The following ZEB2 variants were observed in gnomAD, a reference collection of about 807,000 sequenced individuals.
The protein encoded by ZEB2 is zinc finger E-box binding homeobox 2.
A neutral mutation model predicts 99.9 loss-of-function variants in ZEB2; 6 were observed. That is an observed-to-expected ratio of 0.06 (90% CI 0.03 to 0.12). ZEB2 has a LOEUF of 0.12. Ranked by LOEUF, ZEB2 falls within the 10% of genes least tolerant of loss-of-function variation. The pLI is 1.00. For synonymous variants in ZEB2, 517 were observed against 542.5 expected, an observed-to-expected ratio of 0.95 and a Z score of 0.65; for missense variants, 969 against 1,502.8, an observed-to-expected ratio of 0.64 and a Z score of 5.87.
chr2:144,517,620 G>A, intron 1 of ZEB2: 1 of 688,704 alleles, frequency 1.5e-6, no homozygotes, highest in Non-Finnish European at 2.6e-6. Context: ...ACTGTTTGGT[G>A]TGTTGCACCC....
chr2:144,480,469 A>T (rs1408548825), intron 2 of ZEB2, among the ~76,000 whole-genome samples: 1 of 152,196 alleles, frequency 6.6e-6, no homozygotes, highest in East Asian at 1.9e-4. Context: ...CCAAGTTAGG[A>T]AAGAACTTTT....
chr2:144,517,996 C>A, intron 1 of ZEB2: 1 of 276,582 alleles, frequency 3.6e-6, no homozygotes. Flanking sequence ...CTCTTCCTCC[C>A]CCCACCCTCG....
intron 2 of ZEB2, among the ~76,000 whole-genome samples, chr2:144,470,686 T>C (rs1264060857): frequency 6.6e-6 from 1 of 152,186 alleles, no homozygotes; most frequent in Non-Finnish European, 1.5e-5. Flanking sequence ...GGTCACTATC[T>C]AGAAGCCATA....
chr2:144,462,572 T>A (rs1413101080), intron 2 of ZEB2: 2 of 152,274 alleles, frequency 1.3e-5, no homozygotes, highest in African/African-American at 4.8e-5. Flanking sequence ...AATTATGATA[T>A]AACTCAAGTG....
intron 2 of ZEB2, among the ~76,000 whole-genome samples, chr2:144,483,745 C>T (rs72992185): frequency 3.3e-5 from 5 of 152,024 alleles, no homozygotes; most frequent in Non-Finnish European, 7.4e-5. Context: ...GAGTCAGGAG[C>T]CAAACCATCT....
chr2:144,478,195 C>T (rs930067296), intron 2 of ZEB2, among the ~76,000 whole-genome samples: 1 of 152,124 alleles, frequency 6.6e-6, no homozygotes, highest in East Asian at 1.9e-4. Flanking sequence ...TTATTCATGA[C>T]GGAGCAGTGA....
intron 2 of ZEB2, among the ~76,000 whole-genome samples, chr2:144,437,148 CT>C (rs1372836014): frequency 6.6e-6 from 1 of 152,140 alleles, no homozygotes; most frequent in Non-Finnish European, 1.5e-5. Flanking sequence ...ATTTTTTCAG[CT>C]TCACTTTCTG....
chr2:144,473,809 A>G (rs1036383335), intron 2 of ZEB2, among the ~76,000 whole-genome samples: 4 of 152,190 alleles, frequency 2.6e-5, no homozygotes, highest in African/African-American at 9.6e-5. Flanking sequence ...CCCAGGCTTT[A>G]TCTACTTTGG....
In ZEB2 at chr2:144,387,590, A is replaced by G. The variant is rs370864625; in HGVS notation, c.*1861T>C. ...TCAAAAAGTGAGATAAACTATCCCA[A>G]TCCTTTAAAAAAGGTTACATATTAT... On this transcript the variant is annotated 3_prime_UTR_variant, in exon 10 of 10. Transcript: ENST00000627532. The G allele has an allele frequency of 1.5e-3, 230 of 152,318 alleles. No homozygotes were observed. Among genetic ancestry groups the G allele is most frequent in the African/African-American group, 5.1e-3 (213 of 41,568 alleles). The allele number at this position is 152,318 out of a possible 1,614,324, so 9.4% of individuals were successfully genotyped here. A position where few individuals can be genotyped will look rare whatever the true frequency, so the allele number is the denominator to read the frequency against.
chr2:144,404,661 T>G (rs1703359601), intron 5 of ZEB2, among the ~76,000 whole-genome samples, 175 bp downstream of exon 5: 1 of 152,240 alleles, frequency 6.6e-6, no homozygotes, highest in African/African-American at 2.4e-5. Flanking sequence ...ACAAATTTGC[T>G]GACAAAAAAA....
In ZEB2 at chr2:144,459,498, G is replaced by T. The variant is rs1215617023; in HGVS notation, c.74-29472C>A. ...GGTCTGTAATGATATACTTGTAAAG[G>T]AGTGTGGGACTTGGAACACTGCCCG... On this transcript the variant is annotated intron_variant, in intron 2 of 9. Transcript: ENST00000627532. Among the ~76,000 whole-genome samples, 7 of 152,258 alleles carry T rather than the reference G, an allele frequency of 4.6e-5. No homozygotes were observed. In the East Asian group the frequency reaches 1.3e-3, roughly 29 times the overall value.
At chr2:144,419,215 G>A (rs1703585681) in intron 4 of ZEB2, among the ~76,000 whole-genome samples, 1 of 152,102 alleles carries the variant, frequency 6.6e-6, no homozygotes, top group African/African-American at 2.4e-5. Flanking sequence ...CCTCTCATAT[G>A]TGAAATAATT....
In ZEB2 at chr2:144,387,900, A is replaced by C. The variant is rs1355940503; in HGVS notation, c.*1551T>G. ...TTGGTACCAGTCAAAATTATTGCTAAACTAAAATTATATGAAAAAAACATA... is the reference window on the plus strand; with the variant it reads ...TTGGTACCAGTCAAAATTATTGCTACACTAAAATTATATGAAAAAAACATA... On this transcript the variant is annotated 3_prime_UTR_variant, in exon 10 of 10. Coordinates refer to ENST00000627532, the MANE Select transcript of ZEB2 (RefSeq NM_014795.4). The C allele has an allele frequency of 6.6e-6, 1 of 152,530 alleles. No individual in the cohort carries two copies. Among genetic ancestry groups the C allele is most frequent in the Admixed American group, 6.5e-5 (1 of 15,280 alleles). 9.4% of individuals were successfully genotyped at this position (152,530 alleles called of 1,614,324 possible). A position where few individuals can be genotyped will look rare whatever the true frequency, so the allele number is the denominator to read the frequency against.
At chr2:144,465,295 T>C (rs1223946080) in intron 2 of ZEB2, among the ~76,000 whole-genome samples, 1 of 152,174 alleles carries the variant, frequency 6.6e-6, no homozygotes, top group Admixed American at 6.6e-5. Context: ...AAAGCTAGGA[T>C]GGTGCCTGGT....
At chr2:144,484,434 A>C (rs1704564930) in intron 2 of ZEB2, among the ~76,000 whole-genome samples, 1 of 152,108 alleles carries the variant, frequency 6.6e-6, no homozygotes, top group Non-Finnish European at 1.5e-5. Context: ...TTCCTGAATC[A>C]AATGTGTAGG....
chr2:144,479,802 T>C (rs1449522286), intron 2 of ZEB2, among the ~76,000 whole-genome samples: 1 of 152,126 alleles, frequency 6.6e-6, no homozygotes, highest in Non-Finnish European at 1.5e-5. Flanking sequence ...CGACAGTTTT[T>C]CTTTTCCCAC....
intron 2 of ZEB2, chr2:144,504,095 CAACAAAAAAA>C (rs1704917889): frequency 6.3e-5 from 3 of 47,580 alleles, no homozygotes; most frequent in Admixed American, 1.8e-4. Flanking sequence ...AAAAAAAAAA[CAACAAAAAAA>C]ACAAACCACC....
chr2:144,467,997 G>GA (rs1209289410), intron 2 of ZEB2, among the ~76,000 whole-genome samples: 1 of 152,156 alleles, frequency 6.6e-6, no homozygotes, highest in Non-Finnish European at 1.5e-5. Context: ...CTGGAGCAGT[G>GA]AGAGAGGGGA....
At chr2:144,493,314 C>T (rs1332907997) in intron 2 of ZEB2, among the ~76,000 whole-genome samples, 1 of 152,120 alleles carries the variant, frequency 6.6e-6, no homozygotes, top group Non-Finnish European at 1.5e-5. Context: ...ATTTAGTGAG[C>T]GTTTTCTAGG....
Sources: gnomAD v4.1 joint callset for allele counts (sites outside exome capture counted in the v4.1 genomes callset) on GRCh38, gnomAD v4.1.1 for gene constraint, MANE v1.5 for transcripts, NCBI Gene and HGNC (gene_info 2026-07-23, HGNC 2026-07-21) for gene names.